FER1L6: variants seen among roughly 807,000 people sequenced by gnomAD.
The protein encoded by FER1L6 is fer-1-like protein 6.
Under a neutral mutation model 219.2 loss-of-function variants are expected in FER1L6, and 177 were observed. The observed-to-expected ratio is 0.81, with a 90% CI of 0.71 to 0.91. The LOEUF is 0.91. Among genes scored for constraint, FER1L6 ranks in the 40% least tolerant of loss-of-function variants. FER1L6 has a pLI of 0.00. For synonymous variants in FER1L6, 768 were observed against 824.3 expected, an observed-to-expected ratio of 0.93 and a Z score of 1.17; for missense variants, 2,153 against 2,259.9, an observed-to-expected ratio of 0.95 and a Z score of 0.96.
chr8:123,965,024 G>A (rs1815472595), intron 3 of FER1L6, among the ~76,000 whole-genome samples: 1 of 152,112 alleles, frequency 6.6e-6, no homozygotes, highest in Admixed American at 6.5e-5. Context: ...TAAATAATCA[G>A]TACAAATTTG....
chr8:124,066,645 C>A, intron 27 of FER1L6, 95 bp downstream of exon 27: 1 of 1,375,954 alleles, frequency 7.3e-7, no homozygotes, highest in Non-Finnish European at 1.0e-6. Flanking sequence ...CTTTTAAATG[C>A]CACTATACAT....
chr8:123,904,548 A>G (rs189212286), intron 1 of FER1L6, among the ~76,000 whole-genome samples: 13 of 152,228 alleles, frequency 8.5e-5, no homozygotes, highest in East Asian at 3.9e-4. Flanking sequence ...AAAAGCAACT[A>G]CTTCCTAAAA....
chr8:124,023,462 G>A lies in FER1L6; in HGVS notation c.2152G>A (p.Asp718Asn). The change falls in exon 18 of 41, where the codon GAC (aspartate) becomes AAC (asparagine). Residue 718 changes from aspartate (D) to asparagine (N), a missense_variant. Coordinates refer to ENST00000522917, the MANE Select transcript of FER1L6 (RefSeq NM_001039112.2). The part of the protein sequence containing the change: ...LVDEPQHTIP[D>N]VFIWMLSNNR... ...CCCACAGCCCCAGCACACTATCCCT[G>A]ACGTTTTCATCTGGATGCTCAGCAA... is the stretch of plus-strand genomic sequence containing the variant. The A allele has an allele frequency of 1.2e-6, 2 of 1,614,016 alleles. No homozygotes were observed. Among genetic ancestry groups the A allele is most frequent in the South Asian group, 2.2e-5 (2 of 91,064 alleles).
intron 10 of FER1L6, 132 bp from the exon 11 acceptor site, chr8:123,980,333 T>C (rs1816267069): frequency 1.5e-5 from 11 of 726,974 alleles, no homozygotes; most frequent in Non-Finnish European, 2.5e-5. Flanking sequence ...GCAATCGTTG[T>C]CTTTTGGTCA....
intron 15 of FER1L6, among the ~76,000 whole-genome samples, chr8:124,016,998 A>G (rs181451171): frequency 2.2e-4 from 34 of 152,254 alleles, no homozygotes; most frequent in Admixed American, 4.6e-4. Flanking sequence ...CTATCTCCCA[A>G]CATCTTCACC....
chr8:123,975,996 G>A lies in FER1L6; in HGVS notation c.782G>A (p.Ser261Asn), dbSNP rs779909259. 9.3e-6 allele frequency: 15 copies of A among 1,613,966 alleles called. No homozygotes were observed. Among genetic ancestry groups the A allele is most frequent in the Middle Eastern group, 1.6e-4 (1 of 6,082 alleles). The change falls in exon 9 of 41, where the codon AGC becomes AAC. Residue 261 changes from serine (S) to asparagine (N), a missense_variant. Transcript: ENST00000522917. Reference protein sequence around the residue: ...KAEGLPKMNSSIMANVTKAFV... With the variant: ...KAEGLPKMNSNIMANVTKAFV... ...GAAGGGTTGCCCAAAATGAATTCAA[G>A]CATCATGGCGAACGTCACCAAGGCA...
chr8:123,980,922 G>GAA lies in FER1L6; in HGVS notation c.1410+115_1410+116dup, dbSNP rs539551357. 203 of 964,496 alleles carry GAA rather than the reference G, an allele frequency of 2.1e-4. 2 individuals are homozygous for GAA. The South Asian group carries it at 3.3e-3, about 16-fold the overall frequency. The allele number at this position is 964,496 out of a possible 1,614,324, so 59.7% of individuals were successfully genotyped here. A position where few individuals can be genotyped will look rare whatever the true frequency, so the allele number is the denominator to read the frequency against. ...TGTCAGAATATGTCTTATTCCCTCT[G>GAA]AAAAATTTGTGTTGGCCCAGCCCTG... On this transcript the variant is annotated intron_variant, in intron 11 of 40. Transcript: ENST00000522917.
intron 39 of FER1L6, among the ~76,000 whole-genome samples, chr8:124,103,721 T>A (rs149706087): frequency 1.1e-4 from 17 of 152,348 alleles, no homozygotes; most frequent in African/African-American, 4.1e-4. Flanking sequence ...ATTGTCCACT[T>A]CCTGCCAATG....
At chr8:123,934,057 C>T (rs1813888222) in intron 1 of FER1L6, among the ~76,000 whole-genome samples, 4 of 152,048 alleles carry the variant, frequency 2.6e-5, no homozygotes, top group African/African-American at 9.7e-5. Flanking sequence ...CAAGGGGATC[C>T]TCTTGGCCAC....
chr8:123,856,955 T>C (rs1388668952), intron 1 of FER1L6, among the ~76,000 whole-genome samples: 1 of 152,072 alleles, frequency 6.6e-6, no homozygotes, highest in Non-Finnish European at 1.5e-5. Context: ...ATGAGATGCC[T>C]TGACAAGCGT....
At chr8:123,956,152 TTC>T in intron 2 of FER1L6, 78 bp downstream of exon 2, 1 of 1,293,642 alleles carries the variant, frequency 7.7e-7, no homozygotes, top group Non-Finnish European at 1.1e-6. Flanking sequence ...GAAAATGCAG[TTC>T]TCTCTCAATG....
chr8:123,960,226 C>T (rs951877599), intron 2 of FER1L6, among the ~76,000 whole-genome samples: 2 of 152,130 alleles, frequency 1.3e-5, no homozygotes, highest in African/African-American at 2.4e-5. Context: ...CTTTTGGATT[C>T]AGGTCTTTGA....
At chr8:124,011,506 C>G (rs1192643014) in intron 14 of FER1L6, among the ~76,000 whole-genome samples, 1 of 152,096 alleles carries the variant, frequency 6.6e-6, no homozygotes, top group Non-Finnish European at 1.5e-5. Flanking sequence ...TGTACTACCA[C>G]CCCTGGCTAA....
chr8:123,898,434 C>G (rs904651756), intron 1 of FER1L6, among the ~76,000 whole-genome samples: 7 of 151,730 alleles, frequency 4.6e-5, no homozygotes, highest in African/African-American at 1.7e-4. Flanking sequence ...ATCCCTTGCC[C>G]CCTCCTACTC....
chr8:123,963,529 G>T (rs1404811983), intron 3 of FER1L6, 131 bp downstream of exon 3: 41 of 986,264 alleles, frequency 4.2e-5, no homozygotes, highest in Non-Finnish European at 6.1e-5. Context: ...AAGGTCTAAG[G>T]CAGGAAGACT....
chr8:123,999,916 C>T (rs1378793839), intron 12 of FER1L6, among the ~76,000 whole-genome samples: 2 of 152,160 alleles, frequency 1.3e-5, no homozygotes, highest in East Asian at 1.9e-4. Flanking sequence ...CATGTGCACC[C>T]CAAGTCCACT....
chr8:123,949,861 A>G (rs1370382883), intron 1 of FER1L6, among the ~76,000 whole-genome samples: 2 of 152,202 alleles, frequency 1.3e-5, no homozygotes, highest in African/African-American at 4.8e-5. Context: ...TAATCAAGCA[A>G]TATATGGGAG....
At chr8:123,949,076 T>C (rs988076211) in intron 1 of FER1L6, among the ~76,000 whole-genome samples, 6 of 152,190 alleles carry the variant, frequency 3.9e-5, no homozygotes, top group African/African-American at 1.4e-4. Context: ...CATTCTTACT[T>C]GATCATTGCT....
chr8:123,933,641 T>C (rs1813870335), intron 1 of FER1L6, among the ~76,000 whole-genome samples: 1 of 152,202 alleles, frequency 6.6e-6, no homozygotes, highest in South Asian at 2.1e-4. Context: ...ATCAGTTTCT[T>C]ATTGAGCAAC....
Sources: allele counts gnomAD v4.1 joint callset (sites outside exome capture counted in the v4.1 genomes callset), GRCh38; gene constraint gnomAD v4.1.1; transcripts MANE v1.5; gene names NCBI Gene and HGNC (gene_info 2026-07-23, HGNC 2026-07-21).